DLG5: variants seen among roughly 807,000 people sequenced by gnomAD.
DLG5 encodes the protein discs large MAGUK scaffold protein 5.
A neutral mutation model predicts 189.8 loss-of-function variants in DLG5; 48 were observed. That is an observed-to-expected ratio of 0.25 (90% CI 0.20 to 0.32). The LOEUF is 0.32. Ranked by LOEUF, DLG5 falls within the 10% of genes least tolerant of loss-of-function variation. DLG5 has a pLI of 1.00. For synonymous variants in DLG5, 1,016 were observed against 1,054.1 expected, an observed-to-expected ratio of 0.96 and a Z score of 0.70; for missense variants, 2,160 against 2,544.7, an observed-to-expected ratio of 0.85 and a Z score of 3.25.
chr10:77,919,354 C>G (rs989398480), intron 1 of DLG5, among the ~76,000 whole-genome samples: 1 of 151,996 alleles, frequency 6.6e-6, no homozygotes, highest in South Asian at 2.1e-4. Flanking sequence ...TGATGTAGAG[C>G]TGGAAGGGCC....
At chr10:77,814,267 C>G (rs1012130371) in intron 20 of DLG5, among the ~76,000 whole-genome samples, 1 of 151,914 alleles carries the variant, frequency 6.6e-6, no homozygotes, top group African/African-American at 2.4e-5. Flanking sequence ...CATAGGCTAC[C>G]GCGCCCAGCC....
Position 77,817,783 on chromosome 10 carries a change from G to T in DLG5, c.3778C>A (p.Arg1260Ser). ...GTCCAAGTGGTGCAGTTACCCAGGC[G>T]GGCGCTGGAGGGCAGTGAGTTGGAC... ...HGSNSLPSSA[R>S]LGSSSNLQFK... Residue 1260 changes from arginine to serine, a missense_variant, in exon 18 of 32, where the codon CGC becomes AGC. Around this residue, in one of 5 missense-constraint regions of DLG5, gnomAD observed 754 missense variants for 746.5 expected, o/e 1.01. Transcript: ENST00000372391. 1 of 1,553,396 alleles carries T rather than the reference G, an allele frequency of 6.4e-7. No individual in the cohort carries two copies. The highest frequency in any genetic ancestry group is 2.4e-5 in the East Asian group (1 of 41,148).
Position 77,817,771 on chromosome 10 carries a change from A to C in DLG5, c.3784+6T>G. The C allele has an allele frequency of 6.4e-7, 1 of 1,551,938 alleles. No homozygotes were observed. Among genetic ancestry groups the C allele is most frequent in the Non-Finnish European group, 8.7e-7 (1 of 1,146,768 alleles). ...CTGCAGCACAAAGTCCAAGTGGTGC[A>C]GTTACCCAGGCGGGCGCTGGAGGGC... is the stretch of plus-strand genomic sequence containing the variant. On this transcript the variant is annotated splice_donor_region_variant and intron_variant, in intron 18 of 31. Transcript: ENST00000372391.
the DLG5 span, among the ~76,000 whole-genome samples, chr10:77,936,441 CAAAACAAAAAAAAAAAA>C: frequency 2.3e-5 from 2 of 87,872 alleles, no homozygotes; most frequent in Non-Finnish European, 4.7e-5. Context: ...CGTCTCAAAA[CAAAACAAAAAAAAAAAA>C]AAAAAAAAAG....
intron 26 of DLG5, 40 bp downstream of exon 26, chr10:77,806,718 A>AGGGGCCCCCCCC: frequency 1.5e-6 from 2 of 1,333,654 alleles, no homozygotes; most frequent in Non-Finnish European, 2.1e-6. Flanking sequence ...GCCCTCGGCG[A>AGGGGCCCCCCCC]CCCCTGCCCC....
intron 23 of DLG5, among the ~76,000 whole-genome samples, chr10:77,810,624 C>A (rs1841715200): frequency 6.6e-6 from 1 of 152,208 alleles, no homozygotes; most frequent in Non-Finnish European, 1.5e-5. Context: ...ACATTTTAAT[C>A]CAGCTGCCAC....
In DLG5 at chr10:77,791,039, C is replaced by A. The variant is rs1840623823; in HGVS notation, c.*1401G>T. On this transcript the variant is annotated 3_prime_UTR_variant, in exon 32 of 32. Transcript: ENST00000372391. ...AGCTAGAAAACTTGTACCTGTAAAA[C>A]AAAGGACAGCATTGAGGACTGAAAC... is the stretch of plus-strand genomic sequence containing the variant. The A allele has an allele frequency of 6.6e-6, 1 of 152,548 alleles. No individual in the cohort carries two copies. The highest frequency in any genetic ancestry group is 1.5e-5 in the Non-Finnish European group (1 of 68,030). The allele number at this position is 152,548 out of a possible 1,614,324, so 9.4% of individuals were successfully genotyped here. A position where few individuals can be genotyped will look rare whatever the true frequency, so the allele number is the denominator to read the frequency against.
At chr10:77,861,733 G>T (rs976865023) in intron 2 of DLG5, among the ~76,000 whole-genome samples, 3 of 152,204 alleles carry the variant, frequency 2.0e-5, no homozygotes, top group Non-Finnish European at 4.4e-5. Flanking sequence ...ACATGGCTAG[G>T]AAAATGGGAT....
rs575048961 is a variant in DLG5 at position 77,816,570 on chromosome 10, C to G, written c.4006G>C (p.Gly1336Arg). 2.0e-5 allele frequency: 32 copies of G among 1,614,116 alleles called. No homozygotes were observed. The South Asian group carries it at 3.4e-4, about 17-fold the overall frequency. Residue 1336 changes from glycine (G) to arginine (R), a missense_variant, in exon 20 of 32, where the codon GGG becomes CGG. Gly to Arg is a moderately radical substitution (Grantham distance 125). Around this residue, in one of 5 missense-constraint regions of DLG5, gnomAD observed 754 missense variants for 746.5 expected, o/e 1.01. Transcript: ENST00000372391. ...PRIAVNPASLGERRKDRPYVE... is the reference protein window; with the variant it reads ...PRIAVNPASLRERRKDRPYVE... ...GCTCACCTGTCCTTTCTCCGCTCCCCGAGGGACGCGGGGTTGACAGCGATT... is the reference window on the plus strand; with the variant it reads ...GCTCACCTGTCCTTTCTCCGCTCCCGGAGGGACGCGGGGTTGACAGCGATT...
chr10:77,816,231 C>T (rs1568138155), intron 20 of DLG5: 3 of 608,868 alleles, frequency 4.9e-6, no homozygotes, highest in East Asian at 3.5e-5. Flanking sequence ...GTAAGGATCT[C>T]GTGACTTAGC....
At chr10:77,813,219 C>T (rs1030377736) in intron 20 of DLG5, among the ~76,000 whole-genome samples, 1 of 152,222 alleles carries the variant, frequency 6.6e-6, no homozygotes, top group African/African-American at 2.4e-5. Context: ...GTATGGACAC[C>T]TGAGATTTTC....
intron 13 of DLG5, among the ~76,000 whole-genome samples, chr10:77,825,364 CCACACACAACCACA>C: frequency 1.2e-5 from 1 of 82,450 alleles, no homozygotes; most frequent in African/African-American, 4.6e-5. Context: ...ATGTGTTTAA[CCACACACAACCACA>C]CACACACACA....
chr10:77,862,122 G>A lies in DLG5; in HGVS notation c.374-5230C>T, dbSNP rs1844495041. 2.0e-5 allele frequency among the ~76,000 whole-genome samples: 3 copies of A among 152,282 alleles called. No individual in the cohort carries two copies. The East Asian group carries it at 5.8e-4, about 29-fold the overall frequency. ...GTCTTTTTACTTGCATCTAGAGGTT[G>A]ACAGATATTCTGAAAATGATGCAGT... On this transcript the variant is annotated intron_variant, in intron 2 of 31. Transcript: ENST00000372391.
intron 13 of DLG5, among the ~76,000 whole-genome samples, chr10:77,827,624 C>T (rs1157357976): frequency 6.6e-6 from 1 of 152,240 alleles, no homozygotes; most frequent in African/African-American, 2.4e-5. Flanking sequence ...GATACCATTA[C>T]ATGTCTCCAG....
the DLG5 span, among the ~76,000 whole-genome samples, chr10:77,935,743 C>G: frequency 6.6e-6 from 1 of 152,134 alleles, no homozygotes; most frequent in Non-Finnish European, 1.5e-5. Context: ...TTTCCAGGTG[C>G]CTGTGGGTGT....
chr10:77,869,528 G>C, intron 1 of DLG5: 1 of 351,498 alleles, frequency 2.8e-6, no homozygotes, highest in Non-Finnish European at 5.2e-6. Context: ...GGGTGTGGGG[G>C]TTTCCTCCAC....
rs192966509 is a variant in DLG5 at position 77,911,981 on chromosome 10, T to G, written c.304+14236A>C. On this transcript the variant is annotated intron_variant, in intron 1 of 31. Transcript: ENST00000372391. ...TGGGAGGCTGAGGAGGGAGGATCAC[T>G]TAAGGCCAGGAGTTCAAGACCAGCC... 1.3e-3 allele frequency among the ~76,000 whole-genome samples: 200 copies of G among 150,726 alleles called. 2 individuals are homozygous for G. The highest frequency in any genetic ancestry group is 4.7e-3 in the African/African-American group (195 of 41,106).
chr10:77,889,438 C>G (rs770544718), intron 1 of DLG5: 1 of 152,516 alleles, frequency 6.6e-6, no homozygotes, highest in African/African-American at 2.4e-5. Flanking sequence ...CCCGTGCTGA[C>G]AGCGCACTCT....
At chr10:77,809,524 C>T in intron 24 of DLG5, 23 bp downstream of exon 24, 2 of 1,601,146 alleles carry the variant, frequency 1.2e-6, no homozygotes, top group Non-Finnish European at 1.7e-6. Flanking sequence ...GAGGCCTGGC[C>T]TGCTCAGCAG....
Sources: allele counts gnomAD v4.1 joint callset (sites outside exome capture counted in the v4.1 genomes callset), GRCh38; gene constraint gnomAD v4.1.1; regional missense constraint gnomAD v4.1.1; transcripts MANE v1.5; gene names NCBI Gene and HGNC (gene_info 2026-07-23, HGNC 2026-07-21).